Variants in FDFT1 observed in about 807,000 individuals in gnomAD.
FDFT1 encodes the protein farnesyl-diphosphate farnesyltransferase 1.
Under a neutral mutation model 46.8 loss-of-function variants are expected in FDFT1, and 68 were observed. The observed-to-expected ratio is 1.45, with a 90% confidence interval of 1.19 to 1.78. The LOEUF (loss-of-function observed/expected upper bound fraction) is 1.78, where lower values mean the gene tolerates loss of function less well. FDFT1 is among the 40% of genes most tolerant of loss of function. The pLI, the probability that FDFT1 is intolerant of heterozygous loss-of-function variation, is 0.00. For missense variants in FDFT1, 928 were observed against 524.4 expected, an observed-to-expected ratio of 1.77 and a Z score of -7.52; for synonymous variants, 351 against 185.1, an observed-to-expected ratio of 1.90 and a Z score of -7.28.
chr8:11,811,923 T>G (rs1044197404), intron 3 of FDFT1, among the ~76,000 whole-genome samples: 1 of 152,238 alleles, frequency 6.6e-6, no homozygotes, highest in Non-Finnish European at 1.5e-5. Flanking sequence ...GTGCCTTGTC[T>G]TCTTAAGGAG....
chr8:11,809,059 C>G (rs1172998714), intron 2 of FDFT1, 168 bp downstream of exon 2: 2 of 1,333,552 alleles, frequency 1.5e-6, no homozygotes, highest in Non-Finnish European at 2.0e-6. Flanking sequence ...CCCTTCCAGG[C>G]TCTTTGCCAT....
chr8:11,824,161 C>T (rs1307750663), intron 4 of FDFT1, among the ~76,000 whole-genome samples: 1 of 152,138 alleles, frequency 6.6e-6, no homozygotes, highest in East Asian at 1.9e-4. Flanking sequence ...CGGTCATTTC[C>T]TAACTTTTAC....
At chr8:11,803,926 A>G (rs1287280862) in intron 1 of FDFT1, 2 of 152,344 alleles carry the variant, frequency 1.3e-5, no homozygotes, top group Non-Finnish European at 2.9e-5. Context: ...AGTTTTCTTC[A>G]TCTTTTCTTT....
intron 4 of FDFT1, among the ~76,000 whole-genome samples, chr8:11,824,722 G>A (rs563459438): frequency 7.2e-5 from 11 of 152,218 alleles, no homozygotes; most frequent in Admixed American, 1.3e-4. Flanking sequence ...GATTGAATGT[G>A]CAGAGTTCTT....
upstream of FDFT1, chr8:11,801,971 G>GA (rs1806167440): frequency 2.2e-6 from 1 of 455,756 alleles, no homozygotes; most frequent in South Asian, 1.5e-5. Context: ...TTACAGGCGT[G>GA]AGCCACCACG....
chr8:11,822,068 G>C (rs535043973), intron 4 of FDFT1, among the ~76,000 whole-genome samples, 190 bp downstream of exon 4: 14 of 152,300 alleles, frequency 9.2e-5, no homozygotes, highest in African/African-American at 3.4e-4. Context: ...CAGCTATGTA[G>C]GATATCAGCC....
At chr8:11,826,996 G>T (rs1331879279) in intron 5 of FDFT1, among the ~76,000 whole-genome samples, 1 of 152,226 alleles carries the variant, frequency 6.6e-6, no homozygotes, top group African/African-American at 2.4e-5. Context: ...AAAACTCCAG[G>T]TGTCTGTAAT....
chr8:11,827,632 C>T (rs1195821275), intron 5 of FDFT1, among the ~76,000 whole-genome samples: 2 of 151,946 alleles, frequency 1.3e-5, no homozygotes, highest in African/African-American at 2.4e-5. Context: ...GCCAACTGCC[C>T]CACAGAAAAA....
chr8:11,834,380 A>T (rs1392044235), intron 7 of FDFT1, among the ~76,000 whole-genome samples: 1 of 152,250 alleles, frequency 6.6e-6, no homozygotes, highest in African/African-American at 2.4e-5. Flanking sequence ...CCAAACGGCC[A>T]GAAACCCCCA....
intron 5 of FDFT1, among the ~76,000 whole-genome samples, chr8:11,826,482 C>T (rs148620292): frequency 6.6e-6 from 1 of 152,272 alleles, no homozygotes; most frequent in East Asian, 1.9e-4. Flanking sequence ...GATATGGTAA[C>T]AACCCATGTG....
chr8:11,802,315 C>T (rs764982517), upstream of FDFT1: 6 of 401,224 alleles, frequency 1.5e-5, no homozygotes, highest in Admixed American at 2.9e-5. Context: ...CGAGGCCGGA[C>T]ACGTGGGCGA....
intron 3 of FDFT1, among the ~76,000 whole-genome samples, chr8:11,812,968 T>A (rs1216541060): frequency 6.6e-6 from 1 of 152,166 alleles, no homozygotes; most frequent in Non-Finnish European, 1.5e-5. Context: ...GTGAACATCA[T>A]AGAGTGTACT....
chr8:11,796,872 C>G (rs1805611038), intron 1 of FDFT1, among the ~76,000 whole-genome samples: 1 of 152,206 alleles, frequency 6.6e-6, no homozygotes, highest in Non-Finnish European at 1.5e-5. Context: ...AAAACAACTT[C>G]ATTAAAGAGG....
intron 3 of FDFT1, among the ~76,000 whole-genome samples, chr8:11,820,475 T>C (rs1158385472): frequency 1.4e-5 from 2 of 139,200 alleles, no homozygotes; most frequent in Non-Finnish European, 3.1e-5. Context: ...AGAGAGGCAG[T>C]AGGCCTTGCT....
intron 3 of FDFT1, among the ~76,000 whole-genome samples, chr8:11,812,505 C>T (rs977522044): frequency 4.6e-5 from 7 of 152,190 alleles, no homozygotes; most frequent in Non-Finnish European, 8.8e-5. Flanking sequence ...TGGGGATCAG[C>T]TGTCTGTGCC....
chr8:11,802,242 C>T (rs571384662), upstream of FDFT1: 3 of 383,626 alleles, frequency 7.8e-6, no homozygotes, highest in East Asian at 7.1e-5. Flanking sequence ...CTGGCCCGGC[C>T]TTTTCACGGT....
intron 2 of FDFT1, 70 bp from the exon 3 acceptor site, chr8:11,809,597 C>G (rs1219769772): frequency 2.7e-6 from 4 of 1,461,476 alleles, no homozygotes; most frequent in Admixed American, 2.2e-5. Flanking sequence ...TGGCCAGGCA[C>G]AAGTTATTTT....
intron 1 of FDFT1, chr8:11,803,474 A>T (rs948298990): frequency 7.9e-7 from 1 of 1,267,002 alleles, no homozygotes; most frequent in Non-Finnish European, 1.0e-6. Flanking sequence ...CCAAGTTCCA[A>T]TGAGTTATCT....
At position 11,831,514 on chromosome 8, in the gene FDFT1, C is replaced by A. The variant is rs771944702; in HGVS notation, c.880-4C>A. 16 of 1,613,620 alleles carry A rather than the reference C, an allele frequency of 9.9e-6. No individual in the cohort carries two copies. The East Asian group carries it at 3.1e-4, about 31-fold the overall frequency. On this transcript the variant is annotated splice_region_variant and splice_polypyrimidine_tract_variant and intron_variant, in intron 6 of 7. Transcript: ENST00000220584. ...TTTTTTCCCTCTCTTCTTGTTGTCT[C>A]TAGGTGATGGCCATTGCCACTTTGG...
Sources: gnomAD v4.1 joint callset for allele counts (sites outside exome capture counted in the v4.1 genomes callset) on GRCh38, gnomAD v4.1.1 for gene constraint, MANE v1.5 for transcripts, NCBI Gene and HGNC (gene_info 2026-07-23, HGNC 2026-07-21) for gene names.